DLG2: variants seen among roughly 807,000 people sequenced by gnomAD.
DLG2 encodes the protein disks large homolog 2.
DLG2 carries 45 observed loss-of-function variants against 132.5 expected under a neutral mutation model. The ratio of observed to expected loss-of-function variants is 0.34; its 90% CI spans 0.27 to 0.44. The LOEUF is 0.44. Among genes scored for constraint, DLG2 ranks in the 20% least tolerant of loss-of-function variants. DLG2 has a pLI of 1.00. For synonymous variants in DLG2, 424 were observed against 419.6 expected, an observed-to-expected ratio of 1.01 and a Z score of -0.13; for missense variants, 1,045 against 1,196.9, an observed-to-expected ratio of 0.87 and a Z score of 1.87.
At chr11:84,705,201 C>T (rs1350660765) in intron 6 of DLG2, among the ~76,000 whole-genome samples, 3 of 151,622 alleles carry the variant, frequency 2.0e-5, no homozygotes, top group Non-Finnish European at 3.0e-5. Flanking sequence ...GGAATTCTAA[C>T]GTAGTTGGGA....
chr11:83,549,155 T>G (rs1382574141), intron 19 of DLG2, among the ~76,000 whole-genome samples: 1 of 152,230 alleles, frequency 6.6e-6, no homozygotes, highest in African/African-American at 2.4e-5. Context: ...CACCTTTCTA[T>G]GCAGCAAGAG....
chr11:83,748,082 T>C (rs2093044869), intron 18 of DLG2, among the ~76,000 whole-genome samples: 1 of 152,224 alleles, frequency 6.6e-6, no homozygotes, highest in Non-Finnish European at 1.5e-5. Context: ...CCATCTTTAA[T>C]CATATAAAAT....
intron 5 of DLG2, among the ~76,000 whole-genome samples, chr11:85,152,484 C>A (rs760152636): frequency 2.6e-5 from 4 of 152,030 alleles, no homozygotes; most frequent in Non-Finnish European, 4.4e-5. Context: ...AGTGATCCAC[C>A]CACCTTGGCC....
rs139842740 is a variant in DLG2 at position 84,385,045 on chromosome 11, C to T, written c.520-133754G>A. On this transcript the variant is annotated intron_variant, in intron 7 of 27. Transcript: ENST00000376104. ...AAAATCATGTGTATTTAAAGAAAAACTCTTTGTTGGCATAACTCCCAATTT... is the reference window on the plus strand; with the variant it reads ...AAAATCATGTGTATTTAAAGAAAAATTCTTTGTTGGCATAACTCCCAATTT... Among the ~76,000 whole-genome samples the T allele has an allele frequency of 9.1e-4, 139 of 152,100 alleles. 1 individual carries two copies. The highest frequency in any genetic ancestry group is 3.3e-3 in the African/African-American group (137 of 41,502).
intron 19 of DLG2, among the ~76,000 whole-genome samples, chr11:83,542,903 A>G (rs2096122192): frequency 1.3e-5 from 2 of 152,194 alleles, no homozygotes; most frequent in African/African-American, 4.8e-5. Flanking sequence ...TCCTTAGAGT[A>G]TAACCACTAT....
At chr11:85,095,949 G>T (rs974611741) in intron 6 of DLG2, among the ~76,000 whole-genome samples, 1 of 152,200 alleles carries the variant, frequency 6.6e-6, no homozygotes, top group South Asian at 2.1e-4. Flanking sequence ...TGGGTCAGGT[G>T]GGGACTTGGA....
rs2094936522 is a variant in DLG2 at position 83,510,244 on chromosome 11, A to G, written c.2193+22464T>C. Among the ~76,000 whole-genome samples, 5 of 149,476 alleles carry G rather than the reference A, an allele frequency of 3.3e-5. No individual in the cohort carries two copies. The South Asian group carries it at 1.1e-3, about 32-fold the overall frequency. ...CCCTCCCTCCCTCCCTCCTTCAGAT[A>G]GGAGAGGGTATTCAGCTTTACCCCC... is the stretch of plus-strand genomic sequence containing the variant. On this transcript the variant is annotated intron_variant, in intron 21 of 27. Coordinates refer to ENST00000376104, the MANE Select transcript of DLG2 (RefSeq NM_001142699.3).
intron 6 of DLG2, among the ~76,000 whole-genome samples, chr11:84,558,217 G>C (rs1254090061): frequency 2.0e-5 from 3 of 152,132 alleles, no homozygotes; most frequent in African/African-American, 7.2e-5. Context: ...TTCACTAAGT[G>C]GTTTGGAGTT....
Position 84,869,658 on chromosome 11 carries a change from C to G in DLG2, c.357+242003G>C, listed in dbSNP as rs563795751. On this transcript the variant is annotated intron_variant, in intron 6 of 27. Coordinates refer to ENST00000376104, the MANE Select transcript of DLG2 (RefSeq NM_001142699.3). ...CTGACAAAATTGCCACTAAGAGAAA[C>G]CCTACAATAAATCATTTTGTATAAC... 3.5e-4 allele frequency among the ~76,000 whole-genome samples: 53 copies of G among 152,154 alleles called. 4 individuals carry two copies. The South Asian group carries it at 0.011, about 32-fold the overall frequency.
In DLG2 at chr11:83,479,231, A is replaced by G. The variant is rs555826197; in HGVS notation, c.2293+4898T>C. On this transcript the variant is annotated intron_variant, in intron 22 of 27. Transcript: ENST00000376104. Reference sequence around the variant, plus strand: ...TTCTCTGAGCCTACCTCCATCTGCCATCTTTCCACTTTTGTGCTGCTGCTC... The same window carrying G: ...TTCTCTGAGCCTACCTCCATCTGCCGTCTTTCCACTTTTGTGCTGCTGCTC... Among the ~76,000 whole-genome samples, 432 of 152,092 alleles carry G rather than the reference A, an allele frequency of 2.8e-3. 1 individual carries two copies. Among genetic ancestry groups the G allele is most frequent in the African/African-American group, 9.8e-3 (407 of 41,510 alleles).
intron 6 of DLG2, among the ~76,000 whole-genome samples, chr11:84,989,118 A>G (rs148420870): frequency 0.01 from 1,547 of 152,354 alleles, 15 homozygotes; most frequent in South Asian, 0.02. Context: ...ATGAAATAGT[A>G]TAACAAAACA....
chr11:85,394,388 G>A (rs773048881), intron 3 of DLG2, among the ~76,000 whole-genome samples: 11 of 152,092 alleles, frequency 7.2e-5, no homozygotes, highest in Non-Finnish European at 1.3e-4. Flanking sequence ...AATGAGCATG[G>A]CAATAGCCAC....
At chr11:85,559,694 TA>T (rs896096039) in intron 3 of DLG2, among the ~76,000 whole-genome samples, 5 of 151,158 alleles carry the variant, frequency 3.3e-5, no homozygotes, top group African/African-American at 7.3e-5. Flanking sequence ...AAATACCATG[TA>T]AAAAAAAATT....
At chr11:83,559,627 G>A (rs614398) in intron 19 of DLG2, among the ~76,000 whole-genome samples, 71,023 of 151,010 alleles carry the variant, frequency 0.47, 17,176 homozygotes, top group Admixed American at 0.57. Context: ...AACCAGGTAC[G>A]TTGCCATGTA....
chr11:85,479,085 T>G (rs1476639759), intron 3 of DLG2, among the ~76,000 whole-genome samples: 1 of 152,110 alleles, frequency 6.6e-6, no homozygotes, highest in Admixed American at 6.5e-5. Flanking sequence ...AAGAAAACAA[T>G]CATAAAAGAC....
At chr11:83,627,244 A>C (rs1019793262) in intron 19 of DLG2, among the ~76,000 whole-genome samples, 7 of 151,650 alleles carry the variant, frequency 4.6e-5, no homozygotes, top group African/African-American at 1.5e-4. Context: ...TTTAGGGTAC[A>C]TGTGCACAAC....
At chr11:84,406,987 T>C (rs763672684) in intron 7 of DLG2, among the ~76,000 whole-genome samples, 35 of 152,262 alleles carry the variant, frequency 2.3e-4, no homozygotes, top group Non-Finnish European at 4.6e-4. Context: ...AAGCTGTGAA[T>C]TAGAAGAAAC....
chr11:83,528,687 C>T (rs2095666193), intron 21 of DLG2, among the ~76,000 whole-genome samples: 1 of 152,164 alleles, frequency 6.6e-6, no homozygotes, highest in Non-Finnish European at 1.5e-5. Flanking sequence ...ATGCTTGCAC[C>T]TACTAACTGT....
intron 19 of DLG2, among the ~76,000 whole-genome samples, chr11:83,590,259 A>G (rs2097164773): frequency 1.3e-5 from 2 of 152,106 alleles, no homozygotes; most frequent in Non-Finnish European, 2.9e-5. Flanking sequence ...TCCTCAGCAA[A>G]TGTAAAAGAA....
Sources: gnomAD v4.1 joint callset for allele counts (sites outside exome capture counted in the v4.1 genomes callset) on GRCh38, gnomAD v4.1.1 for gene constraint, MANE v1.5 for transcripts, NCBI Gene and HGNC (gene_info 2026-07-23, HGNC 2026-07-21) for gene names.